Variants in PSD2 observed in about 807,000 individuals in gnomAD.
The protein encoded by PSD2 is PH and SEC7 domain-containing protein 2.
In PSD2, 38 loss-of-function variants were observed where a neutral mutation model predicts 69.8. That is an observed-to-expected ratio of 0.54 (90% confidence interval 0.42 to 0.71). The LOEUF is 0.71. PSD2 is among the 30% of genes least tolerant of loss of function. The pLI is 0.00. For synonymous variants in PSD2, 412 were observed against 423.0 expected, an observed-to-expected ratio of 0.97 and a Z score of 0.32; for missense variants, 943 against 1,014.5, an observed-to-expected ratio of 0.93 and a Z score of 0.96.
At chr5:139,824,700 A>G (rs1253006498) in intron 7 of PSD2, among the ~76,000 whole-genome samples, 1 of 152,126 alleles carries the variant, frequency 6.6e-6, no homozygotes, top group Admixed American at 6.5e-5. Context: ...TTACTTCACT[A>G]TGCCTCAGTT....
intron 7 of PSD2, among the ~76,000 whole-genome samples, chr5:139,830,592 TTTTCTTTCTTTCTTTCTC>T (rs1225921985): frequency 2.3e-5 from 2 of 85,980 alleles, no homozygotes; most frequent in Non-Finnish European, 4.6e-5. Context: ...CTTTCTTTCT[TTTTCTTTCTTTCTTTCTC>T]TTTCTTTCTT....
the PSD2 span, chr5:139,743,834 TA>T: frequency 6.6e-6 from 1 of 152,370 alleles, no homozygotes; most frequent in African/African-American, 2.4e-5. Context: ...CAGGATGGGA[TA>T]GCCACAAGTT....
intron 7 of PSD2, among the ~76,000 whole-genome samples, chr5:139,828,485 T>C (rs1760486672): frequency 6.6e-6 from 1 of 152,126 alleles, no homozygotes; most frequent in African/African-American, 2.4e-5. Flanking sequence ...TATCCTGAGG[T>C]CTGCAGAGGT....
chr5:139,841,555 T>C (rs918674647), intron 14 of PSD2, among the ~76,000 whole-genome samples: 2 of 152,232 alleles, frequency 1.3e-5, no homozygotes, highest in African/African-American at 4.8e-5. Context: ...CTGGATCATG[T>C]GGTAATTTTA....
chr5:139,743,451 T>G, the PSD2 span, among the ~76,000 whole-genome samples: 1 of 152,136 alleles, frequency 6.6e-6, no homozygotes, highest in Non-Finnish European at 1.5e-5. Context: ...TTGGTGTGAG[T>G]GCTGGGGTCT....
chr5:139,771,666 C>T, the PSD2 span, among the ~76,000 whole-genome samples: 1 of 152,180 alleles, frequency 6.6e-6, no homozygotes, highest in Non-Finnish European at 1.5e-5. Context: ...TCTTGAGCCA[C>T]CGCGCCCCGC....
chr5:139,840,203 G>A (rs773450088), intron 14 of PSD2, 33 bp downstream of exon 14: 1 of 1,611,158 alleles, frequency 6.2e-7, no homozygotes, highest in South Asian at 1.1e-5. Flanking sequence ...GCAAAGCCCA[G>A]TGCCCTGCTC....
chr5:139,764,509 C>T, the PSD2 span, among the ~76,000 whole-genome samples: 1 of 152,182 alleles, frequency 6.6e-6, no homozygotes, highest in Non-Finnish European at 1.5e-5. Context: ...CTGGGGTCCC[C>T]GCCGAGCGCC....
the PSD2 span, among the ~76,000 whole-genome samples, chr5:139,777,169 C>A: frequency 6.6e-6 from 1 of 152,218 alleles, no homozygotes; most frequent in Non-Finnish European, 1.5e-5. Flanking sequence ...CCTTTTCAGC[C>A]CTTCATCTCC....
At chr5:139,834,832 A>G (rs1460544084) in intron 8 of PSD2, among the ~76,000 whole-genome samples, 6 of 151,628 alleles carry the variant, frequency 4.0e-5, no homozygotes, top group Admixed American at 3.3e-4. Context: ...CAAACTACCC[A>G]TTCACCTATC....
the PSD2 span, among the ~76,000 whole-genome samples, chr5:139,769,396 G>A: frequency 3.3e-5 from 5 of 152,250 alleles, no homozygotes; most frequent in South Asian, 6.2e-4. Flanking sequence ...AGTGCGATAA[G>A]TCCCAATGGA....
At position 139,844,331 on chromosome 5, in the gene PSD2, C is replaced by T. The variant is rs1760947069; in HGVS notation, c.*1857C>T. 6.6e-6 allele frequency: 1 copy of T among 152,136 alleles called. No homozygotes were observed. The highest frequency in any genetic ancestry group is 2.1e-4 in the South Asian group (1 of 4,828). The allele number at this position is 152,136 out of a possible 1,614,324, so 9.4% of individuals were successfully genotyped here. A position where few individuals can be genotyped will look rare whatever the true frequency, so the allele number is the denominator to read the frequency against. ...AGTAAAAAAATGTTTAGTTCACTTCCTTAATTGTATAATTATTTATTTGTA... is the reference window on the plus strand; with the variant it reads ...AGTAAAAAAATGTTTAGTTCACTTCTTTAATTGTATAATTATTTATTTGTA... On this transcript the variant is annotated 3_prime_UTR_variant, in exon 15 of 15. Coordinates refer to ENST00000274710, the MANE Select transcript of PSD2 (RefSeq NM_032289.4).
At chr5:139,799,177 C>T (rs752032891) in intron 1 of PSD2, among the ~76,000 whole-genome samples, 2 of 152,144 alleles carry the variant, frequency 1.3e-5, no homozygotes, top group Non-Finnish European at 2.9e-5. Context: ...TAAGTTAGGT[C>T]ACTTGGCTCA....
the PSD2 span, among the ~76,000 whole-genome samples, chr5:139,768,763 G>A: frequency 6.6e-6 from 1 of 151,328 alleles, no homozygotes; most frequent in South Asian, 2.1e-4. Flanking sequence ...CTCCTGGGCT[G>A]GATGGGAGTA....
intron 7 of PSD2, among the ~76,000 whole-genome samples, chr5:139,832,843 A>G (rs1237305426): frequency 6.6e-6 from 1 of 152,196 alleles, no homozygotes; most frequent in African/African-American, 2.4e-5. Context: ...TATGAATATT[A>G]GGTGTTGGGT....
Position 139,813,414 on chromosome 5 carries a change from C to T in PSD2, c.477C>T (p.Asp159=). Reference sequence around the variant, plus strand: ...GGGGCACCCAGTACAGCAGCCTCGACTCCCTAGACGGGCTGAGCCTCACGG... The same window carrying T: ...GGGGCACCCAGTACAGCAGCCTCGATTCCCTAGACGGGCTGAGCCTCACGG... ...LLRGTQYSSL[D]SLDGLSLTDE... The change falls in exon 3 of 15, where the codon GAC becomes GAT. Residue 159 remains aspartate (D), a synonymous_variant. Transcript: ENST00000274710. The T allele has an allele frequency of 6.2e-7, 1 of 1,613,698 alleles. No individual in the cohort carries two copies. Among genetic ancestry groups the T allele is most frequent in the Non-Finnish European group, 8.5e-7 (1 of 1,179,622 alleles).
the PSD2 span, among the ~76,000 whole-genome samples, chr5:139,790,002 C>G: frequency 6.6e-6 from 1 of 151,634 alleles, no homozygotes; most frequent in Admixed American, 6.6e-5. Flanking sequence ...GCCGGGCGGG[C>G]GCTGAGGTGG....
At chr5:139,838,062 T>A (rs977782897) in intron 12 of PSD2, among the ~76,000 whole-genome samples, 2 of 152,220 alleles carry the variant, frequency 1.3e-5, no homozygotes, top group African/African-American at 4.8e-5. Context: ...CTGAGTGCGC[T>A]GGAGTCTGCA....
chr5:139,759,683 A>G, the PSD2 span, among the ~76,000 whole-genome samples: 4 of 152,340 alleles, frequency 2.6e-5, no homozygotes, highest in East Asian at 7.7e-4. Context: ...TACTAATTCC[A>G]CTACAAGATA....
Sources: gnomAD v4.1 joint callset for allele counts (sites outside exome capture counted in the v4.1 genomes callset) on GRCh38, gnomAD v4.1.1 for gene constraint, MANE v1.5 for transcripts, NCBI Gene and HGNC (gene_info 2026-07-23, HGNC 2026-07-21) for gene names.